The following ENOX1 variants were observed in gnomAD, a reference collection of about 807,000 sequenced individuals.
ENOX1 encodes the protein candidate growth-related and time keeping constitutive hydroquinone (NADH) oxidase.
ENOX1 carries 42 observed loss-of-function variants against 82.5 expected under a neutral mutation model. That is an observed-to-expected ratio of 0.51 (90% confidence interval 0.40 to 0.66). ENOX1 has a LOEUF of 0.66. Ranked by LOEUF, ENOX1 falls within the 30% of genes least tolerant of loss-of-function variation. The probability of loss-of-function intolerance (pLI) is 0.00; values close to 1 mark genes in which losing one functional copy is unlikely to be tolerated. For synonymous variants in ENOX1, 271 were observed against 282.2 expected (o/e 0.96, Z 0.40); for missense variants, 608 against 811.6 (o/e 0.75, Z 3.05).
chr13:43,650,761 G>C (rs373302397), intron 2 of ENOX1, among the ~76,000 whole-genome samples: 2 of 152,084 alleles, frequency 1.3e-5, no homozygotes, highest in Non-Finnish European at 2.9e-5. Flanking sequence ...TTGCTTGAAC[G>C]TGGGAGGCAG....
intron 2 of ENOX1, among the ~76,000 whole-genome samples, chr13:43,554,227 GTATACA>G (rs1343067227): frequency 6.6e-6 from 1 of 152,132 alleles, no homozygotes; most frequent in East Asian, 1.9e-4. Flanking sequence ...CGAAAGGCAG[GTATACA>G]TGAGAATCCA....
chr13:43,423,936 T>G (rs934949513), intron 3 of ENOX1, among the ~76,000 whole-genome samples: 1 of 152,120 alleles, frequency 6.6e-6, no homozygotes, highest in African/African-American at 2.4e-5. Context: ...AAAGCCTCAA[T>G]TAAAATGGCA....
intron 3 of ENOX1, among the ~76,000 whole-genome samples, chr13:43,415,556 G>C (rs1228614902): frequency 6.6e-6 from 1 of 152,124 alleles, no homozygotes; most frequent in Non-Finnish European, 1.5e-5. Flanking sequence ...GAGAGCACAG[G>C]GTTGGGGGTA....
In ENOX1 at chr13:43,589,648, G is replaced by A. The variant is rs560081507; in HGVS notation, c.-219+77831C>T. ...ACCTCCAAGTAGCCAGACTATAGGC[G>A]AATGCCACTATGCCCAACTAATTTT... On this transcript the variant is annotated intron_variant, in intron 2 of 16. Coordinates refer to ENST00000690772, the MANE Select transcript of ENOX1 (RefSeq NM_001347969.2). Among the ~76,000 whole-genome samples, 4 of 90,078 alleles carry A rather than the reference G, an allele frequency of 4.4e-5. 1 individual carries two copies. In the South Asian group the frequency reaches 1.2e-3, roughly 27 times the overall value. 59.1% of individuals were successfully genotyped at this position (90,078 alleles called of 152,430 possible). A position where few individuals can be genotyped will look rare whatever the true frequency, so the allele number is the denominator to read the frequency against.
At chr13:43,773,921 A>G (rs571179617) in intron 1 of ENOX1, among the ~76,000 whole-genome samples, 13 of 152,296 alleles carry the variant, frequency 8.5e-5, no homozygotes, top group South Asian at 8.3e-4. Flanking sequence ...CAAAAACATT[A>G]AATCTCTACA....
In ENOX1 at chr13:43,616,157, G is replaced by T. The variant is rs60245096; in HGVS notation, c.-219+51322C>A. Among the ~76,000 whole-genome samples the T allele has an allele frequency of 8.7e-4, 14 of 16,024 alleles. 2 individuals are homozygous for T. The highest frequency in any genetic ancestry group is 2.9e-3 in the African/African-American group (14 of 4,752). 10.5% of individuals were successfully genotyped at this position (16,024 alleles called of 152,430 possible). A position where few individuals can be genotyped will look rare whatever the true frequency, so the allele number is the denominator to read the frequency against. ...ATCTATCTAGATATCTATATAGATA[G>T]ATATCTATCTATCTATCTATCTATC... On this transcript the variant is annotated intron_variant, in intron 2 of 16. Coordinates refer to ENST00000690772, the MANE Select transcript of ENOX1 (RefSeq NM_001347969.2).
rs942329312 is a variant in ENOX1, at chr13:43,478,101, A to G, written c.-75+5908T>C. Among the ~76,000 whole-genome samples the G allele has an allele frequency of 7.0e-5, 10 of 142,812 alleles. No homozygotes were observed. In the East Asian group the frequency reaches 2.1e-3, roughly 29 times the overall value. The allele number at this position is 142,812 out of a possible 152,430, so 93.7% of individuals were successfully genotyped here. ...TTTTTCATTTTTTAAATCACAGTGG[A>G]AAATAAGCCTGAAACATTTCACTAG... On this transcript the variant is annotated intron_variant, in intron 3 of 16. Coordinates refer to ENST00000690772, the MANE Select transcript of ENOX1 (RefSeq NM_001347969.2).
intron 12 of ENOX1, among the ~76,000 whole-genome samples, chr13:43,283,117 C>G (rs528055383): frequency 6.6e-6 from 1 of 151,890 alleles, no homozygotes; most frequent in Admixed American, 6.6e-5. Context: ...GCTATTAATT[C>G]GAGCTTTCAA....
intron 1 of ENOX1, among the ~76,000 whole-genome samples, chr13:43,741,463 T>C (rs2089908267): frequency 6.6e-6 from 1 of 152,226 alleles, no homozygotes. Context: ...TTATTGGTCT[T>C]TTTGAATATA....
At chr13:43,351,740 T>C (rs2049820449) in intron 8 of ENOX1, among the ~76,000 whole-genome samples, 1 of 151,230 alleles carries the variant, frequency 6.6e-6, no homozygotes, top group Admixed American at 6.6e-5. Flanking sequence ...TCCATGTCCC[T>C]ACAAAGGACA....
At chr13:43,464,559 CTTA>C (rs1335509884) in intron 3 of ENOX1, among the ~76,000 whole-genome samples, 1 of 152,076 alleles carries the variant, frequency 6.6e-6, no homozygotes, top group Admixed American at 6.5e-5. Context: ...TTTGGGCCTT[CTTA>C]TTATTAGTGT....
chr13:43,451,048 T>C (rs1013248877), intron 3 of ENOX1, among the ~76,000 whole-genome samples: 2 of 152,158 alleles, frequency 1.3e-5, no homozygotes, highest in African/African-American at 2.4e-5. Context: ...CGTTGAGACC[T>C]TGCATTTCTC....
intron 5 of ENOX1, among the ~76,000 whole-genome samples, chr13:43,371,335 A>G (rs928812712): frequency 3.0e-4 from 46 of 152,270 alleles, no homozygotes; most frequent in African/African-American, 9.6e-4. Context: ...GAGTGGGGAC[A>G]CTCCAAATAT....
At chr13:43,280,266 T>C (rs2045302055) in intron 12 of ENOX1, among the ~76,000 whole-genome samples, 1 of 152,244 alleles carries the variant, frequency 6.6e-6, no homozygotes, top group Admixed American at 6.5e-5. Flanking sequence ...AACCTAGTCA[T>C]GATCAGAGAT....
intron 1 of ENOX1, among the ~76,000 whole-genome samples, chr13:43,711,603 G>A (rs2087720858): frequency 6.6e-6 from 1 of 151,930 alleles, no homozygotes; most frequent in Non-Finnish European, 1.5e-5. Context: ...ACTTTTTAAT[G>A]ATTGCCATTC....
At chr13:43,423,405 G>A (rs2055093550) in intron 3 of ENOX1, among the ~76,000 whole-genome samples, 1 of 152,182 alleles carries the variant, frequency 6.6e-6, no homozygotes, top group Non-Finnish European at 1.5e-5. Context: ...TTTACGCAAA[G>A]CTTTTCTAAG....
chr13:43,476,899 T>C (rs936644398), intron 3 of ENOX1, among the ~76,000 whole-genome samples: 1 of 152,018 alleles, frequency 6.6e-6, no homozygotes, highest in Non-Finnish European at 1.5e-5. Context: ...AAAGAGGAGA[T>C]GGGTGGGTGC....
At position 43,265,431 on chromosome 13, in the gene ENOX1, G is replaced by C; in HGVS notation, c.1578C>G (p.Val526=). The change falls in exon 14 of 17, where the codon GTC becomes GTG. Residue 526 remains valine, a synonymous_variant. Coordinates refer to ENST00000690772, the MANE Select transcript of ENOX1 (RefSeq NM_001347969.2). The part of the protein sequence containing the change: ...QEQLKGTKEL[V]ETNGHSHEDS... Reference sequence around the variant, plus strand: ...CCTCATGGCTGTGGCCATTGGTCTCGACCAATTCCTTGGTACCTTTTAACT... The same window carrying C: ...CCTCATGGCTGTGGCCATTGGTCTCCACCAATTCCTTGGTACCTTTTAACT... 1 of 1,611,768 alleles carries C rather than the reference G, an allele frequency of 6.2e-7. No homozygotes were observed. Among genetic ancestry groups the C allele is most frequent in the South Asian group, 1.1e-5 (1 of 90,464 alleles).
At chr13:43,321,041 G>A (rs1266158036) in intron 11 of ENOX1, 12 of 456,100 alleles carry the variant, frequency 2.6e-5, no homozygotes, top group African/African-American at 1.8e-4. Context: ...TCATTTTTCA[G>A]ACAAGGGATA....
Sources: gnomAD v4.1 joint callset for allele counts (sites outside exome capture counted in the v4.1 genomes callset) on GRCh38, gnomAD v4.1.1 for gene constraint, MANE v1.5 for transcripts, NCBI Gene and HGNC (gene_info 2026-07-23, HGNC 2026-07-21) for gene names.